Variants in SNX29 observed in about 807,000 individuals in gnomAD.
The protein encoded by SNX29 is sorting nexin-29.
SNX29 carries 78 observed loss-of-function variants against 102.1 expected under a neutral mutation model. The ratio of observed to expected loss-of-function variants is 0.76; its 90% confidence interval spans 0.64 to 0.92. The LOEUF (loss-of-function observed/expected upper bound fraction) is 0.92, where lower values mean the gene tolerates loss of function less well. Ranked by LOEUF, SNX29 falls within the 40% of genes least tolerant of loss-of-function variation. The probability of loss-of-function intolerance (pLI) is 0.00; values close to 1 mark genes in which losing one functional copy is unlikely to be tolerated. For synonymous variants in SNX29, 580 were observed against 414.5 expected, an observed-to-expected ratio of 1.40 and a Z score of -4.85; for missense variants, 1,280 against 1,061.7, an observed-to-expected ratio of 1.21 and a Z score of -2.86.
intron 18 of SNX29, among the ~76,000 whole-genome samples, chr16:12,414,666 C>A (rs1453481904): frequency 6.6e-6 from 1 of 152,160 alleles, no homozygotes. Flanking sequence ...AGACATTTTC[C>A]TGCCTGGCCG....
intron 15 of SNX29, among the ~76,000 whole-genome samples, chr16:12,292,622 C>T (rs1250180560): frequency 6.6e-6 from 1 of 152,210 alleles, no homozygotes; most frequent in Non-Finnish European, 1.5e-5. Context: ...AGAAGACTTT[C>T]AGCTTGAATG....
At chr16:11,978,729 T>A (rs2055355694) in intron 1 of SNX29, among the ~76,000 whole-genome samples, 1 of 152,184 alleles carries the variant, frequency 6.6e-6, no homozygotes, top group African/African-American at 2.4e-5. Flanking sequence ...ACAATGAAAT[T>A]GATAAGCCAA....
At chr16:12,423,496 A>G (rs1412123930) in intron 18 of SNX29, among the ~76,000 whole-genome samples, 1 of 152,202 alleles carries the variant, frequency 6.6e-6, no homozygotes, top group African/African-American at 2.4e-5. Context: ...CAGGCAGATA[A>G]CTGTATCCAA....
rs1483411671 is a variant in SNX29, at chr16:12,467,380, C to T, written c.2038-10339C>T. On this transcript the variant is annotated intron_variant, in intron 18 of 20. Transcript: ENST00000566228. ...AGATCCATGCTCTCCTTTTCCTTTTCCAAATCCATAAGAGCTGTAGATGAC... is the reference window on the plus strand; with the variant it reads ...AGATCCATGCTCTCCTTTTCCTTTTTCAAATCCATAAGAGCTGTAGATGAC... Among the ~76,000 whole-genome samples, 3 of 152,196 alleles carry T rather than the reference C, an allele frequency of 2.0e-5. No homozygotes were observed. In the East Asian group the frequency reaches 5.8e-4, roughly 29 times the overall value.
chr16:12,428,471 A>T (rs1230623526), intron 18 of SNX29, among the ~76,000 whole-genome samples: 1 of 152,238 alleles, frequency 6.6e-6, no homozygotes, highest in Non-Finnish European at 1.5e-5. Flanking sequence ...AATTCAGAAA[A>T]TAAAGTTAGA....
At chr16:12,006,918 G>A (rs1449208805) in intron 3 of SNX29, among the ~76,000 whole-genome samples, 1 of 152,132 alleles carries the variant, frequency 6.6e-6, no homozygotes, top group Non-Finnish European at 1.5e-5. Context: ...ACTGTGCCTG[G>A]GTTATCCCTT....
At chr16:12,419,569 C>CG (rs2084787483) in intron 18 of SNX29, among the ~76,000 whole-genome samples, 1 of 151,772 alleles carries the variant, frequency 6.6e-6, no homozygotes, top group African/African-American at 2.4e-5. Flanking sequence ...TCAGCCCCCC[C>CG]CCCCATCTTT....
chr16:12,059,988 G>C (rs1202813745), intron 8 of SNX29, among the ~76,000 whole-genome samples: 1 of 152,038 alleles, frequency 6.6e-6, no homozygotes, highest in Non-Finnish European at 1.5e-5. Context: ...CCCTTCTTAA[G>C]TAGGTATGAT....
At chr16:12,250,431 A>G (rs2078388330) in intron 14 of SNX29, among the ~76,000 whole-genome samples, 1 of 152,152 alleles carries the variant, frequency 6.6e-6, no homozygotes, top group African/African-American at 2.4e-5. Context: ...ATGGCCTGTC[A>G]GGCAGAAGAG....
intron 20 of SNX29, among the ~76,000 whole-genome samples, chr16:12,565,627 A>G (rs1262443455): frequency 6.6e-6 from 1 of 152,234 alleles, no homozygotes; most frequent in Admixed American, 6.5e-5. Flanking sequence ...TGCCAGGCAC[A>G]GACATGTGAC....
intron 1 of SNX29, among the ~76,000 whole-genome samples, chr16:11,992,198 G>A (rs748267446): frequency 1.2e-4 from 19 of 152,106 alleles, no homozygotes; most frequent in Non-Finnish European, 2.6e-4. Flanking sequence ...GGAGGCTGAG[G>A]TGGGAGGACT....
intron 18 of SNX29, among the ~76,000 whole-genome samples, chr16:12,416,487 A>G (rs1376198622): frequency 6.6e-6 from 1 of 152,220 alleles, no homozygotes; most frequent in African/African-American, 2.4e-5. Flanking sequence ...CCCTGATTTG[A>G]TTACAAAACA....
intron 13 of SNX29, among the ~76,000 whole-genome samples, chr16:12,196,070 G>T (rs145175463): frequency 3.6e-5 from 5 of 140,640 alleles, no homozygotes; most frequent in African/African-American, 8.0e-5. Context: ...CCACCTCCCC[G>T]GCTCAAACGA....
At chr16:12,148,886 G>C (rs930116746) in intron 13 of SNX29, among the ~76,000 whole-genome samples, 2 of 151,926 alleles carry the variant, frequency 1.3e-5, no homozygotes, top group Non-Finnish European at 2.9e-5. Context: ...ATTTTTAGTA[G>C]AGACAGGGTT....
intron 16 of SNX29, among the ~76,000 whole-genome samples, chr16:12,366,176 A>T (rs1322036235): frequency 6.6e-6 from 1 of 151,702 alleles, no homozygotes; most frequent in Non-Finnish European, 1.5e-5. Context: ...TGGATTAGAG[A>T]TAGTTTGATA....
At chr16:12,062,472 C>T (rs1445179784) in intron 9 of SNX29, among the ~76,000 whole-genome samples, 4 of 152,040 alleles carry the variant, frequency 2.6e-5, no homozygotes, top group Non-Finnish European at 4.4e-5. Context: ...CGGTTGAGCA[C>T]GTGCCCGTGT....
intron 13 of SNX29, among the ~76,000 whole-genome samples, chr16:12,159,121 C>G (rs1464993296): frequency 6.6e-6 from 1 of 152,164 alleles, no homozygotes; most frequent in African/African-American, 2.4e-5. Context: ...TCCATGTGCC[C>G]TCTACTGAGG....
At chr16:12,210,509 GC>G (rs1367074561) in intron 14 of SNX29, among the ~76,000 whole-genome samples, 25 of 149,508 alleles carry the variant, frequency 1.7e-4, no homozygotes, top group African/African-American at 5.9e-4. Context: ...GAGAAGTCTT[GC>G]CTGAGAATGG....
At chr16:12,128,256 C>T (rs2054303729) in intron 12 of SNX29, among the ~76,000 whole-genome samples, 1 of 152,132 alleles carries the variant, frequency 6.6e-6, no homozygotes, top group South Asian at 2.1e-4. Context: ...TTTTGTCTTA[C>T]CTTGTGAAGA....
Sources: gnomAD v4.1 joint callset for allele counts (sites outside exome capture counted in the v4.1 genomes callset) on GRCh38, gnomAD v4.1.1 for gene constraint, MANE v1.5 for transcripts, NCBI Gene and HGNC (gene_info 2026-07-23, HGNC 2026-07-21) for gene names.